The following CLASP1 variants were observed in gnomAD, a reference collection of about 807,000 sequenced individuals.
CLASP1 encodes the protein cytoplasmic linker associated protein 1, also known as CLIP-associating protein 1.
In CLASP1, 38 loss-of-function variants were observed where a neutral mutation model predicts 192.3. The ratio of observed to expected loss-of-function variants is 0.20; its 90% CI spans 0.15 to 0.26. The LOEUF (loss-of-function observed/expected upper bound fraction) is 0.26, where lower values mean the gene tolerates loss of function less well. Among genes scored for constraint, CLASP1 ranks in the 10% least tolerant of loss-of-function variants. The pLI, the probability that CLASP1 is intolerant of heterozygous loss-of-function variation, is 1.00. For synonymous variants in CLASP1, 691 were observed against 712.8 expected, an observed-to-expected ratio of 0.97 and a Z score of 0.49; for missense variants, 1,433 against 1,932.5, an observed-to-expected ratio of 0.74 and a Z score of 4.85.
chr2:121,387,253 G>A lies in CLASP1; in HGVS notation c.3268-25C>T, dbSNP rs113041554. ...CCTGGGGTGAAGCAGAATAGGCATC[G>A]TTATTCAAGGGCTGTATATAGAATA... On this transcript the variant is annotated intron_variant, in intron 31 of 39. Transcript: ENST00000263710. 7.9e-3 allele frequency: 11,322 copies of A among 1,438,508 alleles called. 52 individuals are homozygous for A. The highest frequency in any genetic ancestry group is 9.6e-3 in the Non-Finnish European group (10,127 of 1,057,536). The allele number at this position is 1,438,508 out of a possible 1,614,324, so 89.1% of individuals were successfully genotyped here. A position where few individuals can be genotyped will look rare whatever the true frequency, so the allele number is the denominator to read the frequency against.
chr2:121,357,354 AACC>A (rs2065611671), intron 37 of CLASP1, among the ~76,000 whole-genome samples: 1 of 152,152 alleles, frequency 6.6e-6, no homozygotes, highest in Non-Finnish European at 1.5e-5. Flanking sequence ...CAACAATGTC[AACC>A]ACCTTACCTC....
intron 16 of CLASP1, among the ~76,000 whole-genome samples, chr2:121,449,664 C>G (rs2149790238): frequency 6.6e-6 from 1 of 152,200 alleles, no homozygotes; most frequent in South Asian, 2.1e-4. Context: ...AGATTATTAA[C>G]AAATCCATTC....
intron 2 of CLASP1, among the ~76,000 whole-genome samples, chr2:121,580,664 T>C (rs2061028089): frequency 6.6e-6 from 1 of 152,280 alleles, no homozygotes; most frequent in Admixed American, 6.5e-5. Context: ...TAAATATTTG[T>C]ACACATTTAT....
chr2:121,387,901 T>C (rs2073601390), exon 31 of CLASP1: 2 of 1,609,790 alleles, frequency 1.2e-6, no homozygotes, highest in Non-Finnish European at 8.5e-7. Context: ...GCACAATCTG[T>C]GCTGCCTAGA....
intron 8 of CLASP1, among the ~76,000 whole-genome samples, chr2:121,479,866 A>C (rs1312726925): frequency 6.6e-6 from 1 of 152,176 alleles, no homozygotes; most frequent in East Asian, 1.9e-4. Flanking sequence ...GGAATATAAA[A>C]ATTTCCAGCT....
chr2:121,585,732 T>C (rs2061646157), intron 2 of CLASP1, among the ~76,000 whole-genome samples: 1 of 152,136 alleles, frequency 6.6e-6, no homozygotes, highest in South Asian at 2.1e-4. Flanking sequence ...ACACCATCTC[T>C]ACTAAAAATA....
chr2:121,543,518 G>A (rs2095272335), intron 2 of CLASP1, among the ~76,000 whole-genome samples: 1 of 152,016 alleles, frequency 6.6e-6, no homozygotes, highest in Admixed American at 6.6e-5. Context: ...AATTTTCCCT[G>A]ATATGCTTCC....
At chr2:121,413,291 A>C (rs1454389370) in intron 23 of CLASP1, among the ~76,000 whole-genome samples, 1 of 152,106 alleles carries the variant, frequency 6.6e-6, no homozygotes, top group Non-Finnish European at 1.5e-5. Flanking sequence ...AACAAACAAA[A>C]AAAGCAAAGG....
Position 121,485,485 on chromosome 2 carries a change from C to T in CLASP1, c.713-15525G>A, listed in dbSNP as rs574514965. On this transcript the variant is annotated intron_variant, in intron 8 of 39. Transcript: ENST00000263710. ...ATTTCTGTATAAAGAAATCCAAGTA[C>T]ACTAAAGACTCCAAAAATTGTTTTA... Among the ~76,000 whole-genome samples, 22 of 152,266 alleles carry T rather than the reference C, an allele frequency of 1.4e-4. No homozygotes were observed. The South Asian group carries it at 1.7e-3, about 11-fold the overall frequency.
intron 36 of CLASP1, chr2:121,364,082 T>G (rs2066931547): frequency 6.6e-6 from 1 of 152,022 alleles, no homozygotes; most frequent in Non-Finnish European, 1.5e-5. Flanking sequence ...TTTTAAAAAG[T>G]TTTTTTTAAA....
At chr2:121,636,374 T>A (rs957530166) in intron 1 of CLASP1, among the ~76,000 whole-genome samples, 4 of 142,370 alleles carry the variant, frequency 2.8e-5, no homozygotes, top group African/African-American at 7.8e-5. Context: ...ATAATAATAA[T>A]AAATTTTAGG....
chr2:121,592,111 A>T (rs574981558), intron 2 of CLASP1, among the ~76,000 whole-genome samples: 1 of 152,310 alleles, frequency 6.6e-6, no homozygotes, highest in South Asian at 2.1e-4. Context: ...CTTAACCCAC[A>T]GTTCAAGCTG....
chr2:121,379,587 T>C (rs72828991), intron 33 of CLASP1, among the ~76,000 whole-genome samples: 124 of 152,200 alleles, frequency 8.1e-4, no homozygotes, highest in Middle Eastern at 3.4e-3. Context: ...TGTAAAAAAA[T>C]GCCTTAAAAT....
intron 2 of CLASP1, among the ~76,000 whole-genome samples, chr2:121,597,976 G>A (rs1013183870): frequency 6.6e-6 from 1 of 152,204 alleles, no homozygotes; most frequent in African/African-American, 2.4e-5. Flanking sequence ...AAGAACAGAA[G>A]CAGCTGGAAG....
At chr2:121,605,116 GCCCCCA>G (rs1460362006) in intron 2 of CLASP1, among the ~76,000 whole-genome samples, 2 of 148,582 alleles carry the variant, frequency 1.3e-5, no homozygotes, top group South Asian at 2.1e-4. Flanking sequence ...ATGGGACCTG[GCCCCCA>G]CCCCCACCCC....
intron 1 of CLASP1, among the ~76,000 whole-genome samples, chr2:121,633,027 T>TAG (rs1219475954): frequency 6.8e-6 from 1 of 147,670 alleles, no homozygotes; most frequent in Non-Finnish European, 1.5e-5. Flanking sequence ...TATATATATA[T>TAG]AGGCTTTTTT....
intron 8 of CLASP1, among the ~76,000 whole-genome samples, chr2:121,487,194 A>T (rs1186340653): frequency 6.6e-6 from 1 of 152,138 alleles, no homozygotes; most frequent in Non-Finnish European, 1.5e-5. Context: ...AGTGCTGCTT[A>T]GAACCACCTC....
intron 1 of CLASP1, among the ~76,000 whole-genome samples, chr2:121,644,459 G>A (rs2072753274): frequency 6.6e-6 from 1 of 152,056 alleles, no homozygotes; most frequent in Non-Finnish European, 1.5e-5. Context: ...AGATCAGCCT[G>A]GCCCAACATG....
intron 37 of CLASP1, among the ~76,000 whole-genome samples, chr2:121,349,678 T>G (rs2063995513): frequency 6.6e-6 from 1 of 152,138 alleles, no homozygotes; most frequent in Non-Finnish European, 1.5e-5. Flanking sequence ...GAAAGTTGCT[T>G]TTCTAGGACT....
Sources: gnomAD v4.1 joint callset for allele counts (sites outside exome capture counted in the v4.1 genomes callset) on GRCh38, gnomAD v4.1.1 for gene constraint, MANE v1.5 for transcripts, NCBI Gene and HGNC (gene_info 2026-07-23, HGNC 2026-07-21) for gene names.